AHCY: variants seen among roughly 807,000 people sequenced by gnomAD.
The protein encoded by AHCY is S-adenosyl-L-homocysteine hydrolase.
AHCY carries 24 observed loss-of-function variants against 45.4 expected under a neutral mutation model. The observed-to-expected ratio is 0.53, with a 90% confidence interval of 0.38 to 0.74. AHCY has a LOEUF of 0.74. Ranked by LOEUF, AHCY falls within the 30% of genes least tolerant of loss-of-function variation. The pLI, the probability that AHCY is intolerant of heterozygous loss-of-function variation, is 0.00. For synonymous variants in AHCY, 245 were observed against 235.1 expected, an observed-to-expected ratio of 1.04 and a Z score of -0.39; for missense variants, 449 against 594.1, an observed-to-expected ratio of 0.76 and a Z score of 2.54.
At chr20:34,281,531 A>G (rs1355847786) in intron 9 of AHCY, 1 of 356,242 alleles carries the variant, frequency 2.8e-6, no homozygotes, top group Non-Finnish European at 5.5e-6. Flanking sequence ...TGGGATTCCT[A>G]AACAGGGAAG....
intron 1 of AHCY, among the ~76,000 whole-genome samples, chr20:34,308,955 ATTTTTTT>A (rs769193254): frequency 4.5e-5 from 4 of 89,580 alleles, no homozygotes; most frequent in Admixed American, 1.2e-4. Context: ...CGCCTGGCCA[ATTTTTTT>A]TTTTTTTTTT....
chr20:34,306,364 C>G (rs886189762), upstream of AHCY, among the ~76,000 whole-genome samples: 3 of 113,678 alleles, frequency 2.6e-5, no homozygotes, highest in Admixed American at 1.2e-4. Context: ...CCTATTATTT[C>G]AGCTTCTTTT....
Position 34,292,517 on chromosome 20 carries a change from G to T in AHCY, c.296-10C>A, listed in dbSNP as rs781762671. The T allele has an allele frequency of 1.2e-6, 2 of 1,613,792 alleles. No individual in the cohort carries two copies. On this transcript the variant is annotated splice_polypyrimidine_tract_variant and intron_variant, in intron 3 of 9. Coordinates refer to ENST00000217426, the MANE Select transcript of AHCY (RefSeq NM_000687.4). Reference sequence around the variant, plus strand: ...CCCTTCCAGGCATACACTGGAGGGTGAGTGGCACATCAGGGCCTGGACTTC... The same window carrying T: ...CCCTTCCAGGCATACACTGGAGGGTTAGTGGCACATCAGGGCCTGGACTTC...
At chr20:34,300,049 G>C (rs529722523) in intron 1 of AHCY, among the ~76,000 whole-genome samples, 20 of 152,278 alleles carry the variant, frequency 1.3e-4, no homozygotes, top group South Asian at 8.3e-4. Context: ...GTTGGGCGTG[G>C]TGGTGGGCAC....
intron 8 of AHCY, 69 bp from the exon 9 acceptor site, chr20:34,285,703 C>T (rs2036158240): frequency 6.4e-7 from 1 of 1,573,408 alleles, no homozygotes; most frequent in Non-Finnish European, 8.6e-7. Context: ...TCTGATCTGG[C>T]AGGCCTCTCT....
chr20:34,269,662 A>G, the AHCY span, among the ~76,000 whole-genome samples: 2 of 151,782 alleles, frequency 1.3e-5, no homozygotes, highest in South Asian at 4.2e-4. Flanking sequence ...AGAAAGAAAG[A>G]GGCCAAGCGC....
At chr20:34,265,895 A>C in the AHCY span, among the ~76,000 whole-genome samples, 2 of 151,100 alleles carry the variant, frequency 1.3e-5, no homozygotes, top group Admixed American at 6.6e-5. Context: ...GGTTGCAGTG[A>C]GCCAAGATCA....
downstream of AHCY, among the ~76,000 whole-genome samples, chr20:34,279,473 C>G (rs897192384): frequency 2.0e-5 from 3 of 151,772 alleles, no homozygotes; most frequent in Non-Finnish European, 2.9e-5. Flanking sequence ...TGCCTGTCAC[C>G]CAAGTGTGCA....
chr20:34,307,800 T>G (rs2036911177), upstream of AHCY, among the ~76,000 whole-genome samples: 1 of 152,200 alleles, frequency 6.6e-6, no homozygotes, highest in Non-Finnish European at 1.5e-5. Flanking sequence ...TTAAAAAAAT[T>G]TTTTAACTTT....
At chr20:34,269,458 T>C in the AHCY span, 1 of 420,320 alleles carries the variant, frequency 2.4e-6, no homozygotes, top group Non-Finnish European at 4.2e-6. Flanking sequence ...GCCTCACAGC[T>C]GCACTCCCAG....
rs531976212 is a variant in AHCY at position 34,303,093 on chromosome 20, C to A, written c.28+150G>T. ...GCTCATGGCCGCGCGAGAACTCCAA[C>A]TTCCAGCTGGCTTCGCGCGGCCAGA... On this transcript the variant is annotated intron_variant, in intron 1 of 9. Transcript: ENST00000217426. 295 of 1,473,228 alleles carry A rather than the reference C, an allele frequency of 2.0e-4. 2 individuals are homozygous for A. The South Asian group carries it at 3.8e-3, about 19-fold the overall frequency. The allele number at this position is 1,473,228 out of a possible 1,614,324, so 91.3% of individuals were successfully genotyped here.
At chr20:34,267,480 A>G in the AHCY span, among the ~76,000 whole-genome samples, 16 of 151,454 alleles carry the variant, frequency 1.1e-4, no homozygotes, top group African/African-American at 3.6e-4. Flanking sequence ...AAAAAAAAAA[A>G]AAAGAACTGT....
chr20:34,259,107 G>A, the AHCY span, among the ~76,000 whole-genome samples: 1 of 151,630 alleles, frequency 6.6e-6, no homozygotes, highest in East Asian at 1.9e-4. Context: ...CTACTCAGGA[G>A]GATGAGGTGG....
At chr20:34,246,471 C>T in the AHCY span, 3 of 1,399,438 alleles carry the variant, frequency 2.1e-6, no homozygotes, top group Non-Finnish European at 3.0e-6. Flanking sequence ...GGGTAATTGG[C>T]ATCTAACTTG....
At chr20:34,236,122 TGGAAAGGAAAGGAGA>T in the AHCY span, among the ~76,000 whole-genome samples, 3 of 83,466 alleles carry the variant, frequency 3.6e-5, no homozygotes, top group South Asian at 1.1e-3. Context: ...AGGAAAGGAG[TGGAAAGGAAAGGAGA>T]GGAAAGGAGA....
chr20:34,302,815 C>A (rs2036824112), intron 1 of AHCY: 2 of 1,024,608 alleles, frequency 2.0e-6, no homozygotes, highest in African/African-American at 3.4e-5. Flanking sequence ...GGTGCCCTCG[C>A]CGTCCCTGTA....
chr20:34,303,199 C>T, intron 1 of AHCY, 44 bp downstream of exon 1: 2 of 1,550,526 alleles, frequency 1.3e-6, no homozygotes, highest in South Asian at 1.2e-5. Flanking sequence ...AAGCCCCGGG[C>T]GGGTGCCGGG....
chr20:34,275,858 C>G (rs1464874236), downstream of AHCY, among the ~76,000 whole-genome samples: 1 of 150,302 alleles, frequency 6.7e-6, no homozygotes, highest in Non-Finnish European at 1.5e-5. Context: ...TTTTTTTATT[C>G]TATTTTTTTT....
At chr20:34,251,428 G>A in the AHCY span, among the ~76,000 whole-genome samples, 88 of 151,908 alleles carry the variant, frequency 5.8e-4, 1 homozygote, top group Middle Eastern at 6.8e-3. Flanking sequence ...CCGCCACCAC[G>A]CCCGGCTGAT....
Sources: gnomAD v4.1 joint callset for allele counts (sites outside exome capture counted in the v4.1 genomes callset) on GRCh38, gnomAD v4.1.1 for gene constraint, MANE v1.5 for transcripts, NCBI Gene and HGNC (gene_info 2026-07-23, HGNC 2026-07-21) for gene names.